SHISA9: variants seen among roughly 807,000 people sequenced by gnomAD.
SHISA9 encodes the protein protein shisa-9.
Under a neutral mutation model 38.0 loss-of-function variants are expected in SHISA9, and 13 were observed. The observed-to-expected ratio is 0.34, with a 90% CI of 0.22 to 0.54. The LOEUF (loss-of-function observed/expected upper bound fraction) is 0.54. Ranked by LOEUF, SHISA9 falls within the 20% of genes least tolerant of loss-of-function variation. The pLI is 0.91. For synonymous variants in SHISA9, 275 were observed against 242.0 expected, an observed-to-expected ratio of 1.14 and a Z score of -1.27; for missense variants, 538 against 575.8, an observed-to-expected ratio of 0.93 and a Z score of 0.67.
the SHISA9 span, among the ~76,000 whole-genome samples, chr16:13,274,859 C>T: frequency 1.3e-5 from 2 of 152,152 alleles, no homozygotes; most frequent in East Asian, 3.8e-4. Flanking sequence ...AACACCTCAG[C>T]CAGTGCTGAG....
intron 2 of SHISA9, among the ~76,000 whole-genome samples, chr16:13,139,203 C>G (rs763290255): frequency 6.6e-6 from 1 of 151,512 alleles, no homozygotes; most frequent in Non-Finnish European, 1.5e-5. Flanking sequence ...TCTATTATCT[C>G]CCTCCCTCCC....
intron 2 of SHISA9, among the ~76,000 whole-genome samples, chr16:13,145,545 A>C (rs192253392): frequency 5.3e-5 from 8 of 151,522 alleles, no homozygotes; most frequent in Admixed American, 1.3e-4. Flanking sequence ...ACAACAACAA[A>C]AAAAGGTAGT....
At chr16:13,274,225 T>G in the SHISA9 span, among the ~76,000 whole-genome samples, 6 of 152,328 alleles carry the variant, frequency 3.9e-5, no homozygotes, top group East Asian at 5.8e-4. Context: ...GCCATCATCT[T>G]GAGTTGTCTT....
At chr16:13,407,724 T>A in the SHISA9 span, among the ~76,000 whole-genome samples, 1 of 152,210 alleles carries the variant, frequency 6.6e-6, no homozygotes, top group Non-Finnish European at 1.5e-5. Context: ...TTAGGCCATA[T>A]GACCATTTCT....
chr16:13,281,460 G>A, the SHISA9 span, among the ~76,000 whole-genome samples: 3 of 151,070 alleles, frequency 2.0e-5, no homozygotes, highest in East Asian at 1.9e-4. Flanking sequence ...TTTAATTTTG[G>A]TGTGGTCCAT....
chr16:13,229,683 G>A (rs1269591293), intron 4 of SHISA9, among the ~76,000 whole-genome samples: 2 of 152,250 alleles, frequency 1.3e-5, no homozygotes, highest in Non-Finnish European at 2.9e-5. Flanking sequence ...GAGCCACCCA[G>A]ATGGAAGGAT....
the SHISA9 span, among the ~76,000 whole-genome samples, chr16:13,481,160 C>T: frequency 1.4e-4 from 21 of 152,154 alleles, no homozygotes; most frequent in Admixed American, 1.4e-3. Flanking sequence ...TTCTGAAAAG[C>T]TTGTCTTTGC....
At chr16:13,211,619 C>T (rs2051120859) in intron 3 of SHISA9, among the ~76,000 whole-genome samples, 1 of 152,166 alleles carries the variant, frequency 6.6e-6, no homozygotes, top group Non-Finnish European at 1.5e-5. Context: ...ATGAGTGTGA[C>T]CAAGTACACA....
intron 2 of SHISA9, among the ~76,000 whole-genome samples, chr16:13,075,765 G>A (rs992090129): frequency 2.6e-5 from 4 of 152,146 alleles, no homozygotes; most frequent in Admixed American, 1.3e-4. Context: ...AGAAAAAGTA[G>A]CCTGATAAAG....
chr16:13,313,428 A>G, the SHISA9 span, among the ~76,000 whole-genome samples: 1 of 152,206 alleles, frequency 6.6e-6, no homozygotes, highest in Non-Finnish European at 1.5e-5. Context: ...CCAACTCCCA[A>G]CCATCATAGC....
At chr16:12,936,901 C>T (rs545655313) in intron 2 of SHISA9, among the ~76,000 whole-genome samples, 1 of 152,258 alleles carries the variant, frequency 6.6e-6, no homozygotes, top group South Asian at 2.1e-4. Flanking sequence ...CAACCATTGA[C>T]ACCCTTGACA....
the SHISA9 span, among the ~76,000 whole-genome samples, chr16:13,452,916 CTT>C: frequency 6.6e-6 from 1 of 151,638 alleles, no homozygotes; most frequent in East Asian, 2.0e-4. Context: ...CTTTTCTTTT[CTT>C]TTCTTTTTAA....
intron 2 of SHISA9, among the ~76,000 whole-genome samples, chr16:13,060,606 C>A (rs1242272852): frequency 1.4e-5 from 2 of 142,104 alleles, no homozygotes; most frequent in African/African-American, 2.7e-5. Flanking sequence ...GAGTTTGAGT[C>A]CAGTCTGGGC....
At chr16:13,478,661 A>C in the SHISA9 span, among the ~76,000 whole-genome samples, 3 of 152,224 alleles carry the variant, frequency 2.0e-5, no homozygotes, top group African/African-American at 7.2e-5. Flanking sequence ...CATATTCCAT[A>C]AACCTTCACC....
In SHISA9 at chr16:13,201,963, C is replaced by T. The variant is rs1344119168; in HGVS notation, c.692-1431C>T. 1.8e-5 allele frequency among the ~76,000 whole-genome samples: 2 copies of T among 110,912 alleles called. 1 individual carries two copies. The highest frequency in any genetic ancestry group is 7.7e-5 in the African/African-American group (2 of 26,038). The allele number at this position is 110,912 out of a possible 152,430, so 72.8% of individuals were successfully genotyped here. ...CACTGGCAACCACCGCAGTGCATAC[C>T]TGGATGGACACACATGCTTCATGAA... On this transcript the variant is annotated intron_variant, in intron 2 of 4. Transcript: ENST00000558583.
At chr16:13,227,660 C>G (rs1033485350) in intron 4 of SHISA9, among the ~76,000 whole-genome samples, 4 of 152,206 alleles carry the variant, frequency 2.6e-5, no homozygotes, top group African/African-American at 9.7e-5. Context: ...CACTGGAAAT[C>G]TTGAACTTTC....
chr16:13,115,321 G>C (rs915678353), intron 2 of SHISA9, among the ~76,000 whole-genome samples: 2 of 152,132 alleles, frequency 1.3e-5, no homozygotes, highest in African/African-American at 2.4e-5. Flanking sequence ...TGAGAGCCCC[G>C]AACAGAGATT....
chr16:13,296,433 A>G, the SHISA9 span, among the ~76,000 whole-genome samples: 9 of 152,078 alleles, frequency 5.9e-5, 1 homozygote, highest in East Asian at 3.9e-4. Flanking sequence ...CAGGGGGGAA[A>G]AAAACAGATC....
the SHISA9 span, among the ~76,000 whole-genome samples, chr16:13,408,262 TTAAAA>T: frequency 6.6e-6 from 1 of 151,956 alleles, no homozygotes; most frequent in Non-Finnish European, 1.5e-5. Context: ...GAACACAAAA[TTAAAA>T]TATAAAAGTT....
Sources: gnomAD v4.1 joint callset for allele counts (sites outside exome capture counted in the v4.1 genomes callset) on GRCh38, gnomAD v4.1.1 for gene constraint, MANE v1.5 for transcripts, NCBI Gene and HGNC (gene_info 2026-07-23, HGNC 2026-07-21) for gene names.